The following ME1 variants were observed in gnomAD, a reference collection of about 807,000 sequenced individuals.
ME1 encodes the protein malic enzyme 1, also known as NADP-dependent malic enzyme.
In ME1, 74 loss-of-function variants were observed where a neutral mutation model predicts 66.4. The ratio of observed to expected loss-of-function variants is 1.11; its 90% confidence interval spans 0.92 to 1.35. The LOEUF (loss-of-function observed/expected upper bound fraction) is 1.35. Among genes scored for constraint, ME1 ranks in the 40% most tolerant of loss-of-function variants. The pLI, the probability that ME1 is intolerant of heterozygous loss-of-function variation, is 0.00. For synonymous variants in ME1, 251 were observed against 235.6 expected (o/e 1.07, Z -0.60); for missense variants, 750 against 694.1 (o/e 1.08, Z -0.90).
At chr6:83,315,130 G>T (rs1768005530) in intron 6 of ME1, among the ~76,000 whole-genome samples, 180 bp downstream of exon 6, 1 of 151,986 alleles carries the variant, frequency 6.6e-6, no homozygotes, top group South Asian at 2.1e-4. Context: ...AATCTATTCT[G>T]GATAGACACA....
intron 5 of ME1, among the ~76,000 whole-genome samples, chr6:83,332,843 G>GTTTTGTCTT (rs1768441542): frequency 6.6e-6 from 1 of 151,984 alleles, no homozygotes; most frequent in Non-Finnish European, 1.5e-5. Context: ...AAAGCTCAGA[G>GTTTTGTCTT]TTCACCATTA....
At chr6:83,298,492 A>C (rs1767645920) in intron 6 of ME1, among the ~76,000 whole-genome samples, 1 of 152,024 alleles carries the variant, frequency 6.6e-6, no homozygotes, top group Non-Finnish European at 1.5e-5. Flanking sequence ...TAGATTGCAA[A>C]AATTTTCTCC....
chr6:83,356,856 C>G (rs774195175), intron 3 of ME1, among the ~76,000 whole-genome samples: 15 of 152,208 alleles, frequency 9.9e-5, no homozygotes, highest in Non-Finnish European at 2.1e-4. Context: ...ATAATCTTAA[C>G]CAGAAAATTA....
intron 2 of ME1, among the ~76,000 whole-genome samples, chr6:83,400,115 T>G (rs1045431585): frequency 6.6e-6 from 1 of 152,196 alleles, no homozygotes; most frequent in South Asian, 2.1e-4. Context: ...TCTGTTTCCT[T>G]GCTGTTTTCT....
At chr6:83,388,994 C>G (rs1304667567) in intron 3 of ME1, among the ~76,000 whole-genome samples, 1 of 152,090 alleles carries the variant, frequency 6.6e-6, no homozygotes, top group African/African-American at 2.4e-5. Flanking sequence ...TGGTGCATGC[C>G]TGTAATCCTA....
intron 7 of ME1, among the ~76,000 whole-genome samples, chr6:83,250,903 CT>C (rs1387885537): frequency 6.6e-6 from 1 of 152,174 alleles, no homozygotes; most frequent in Non-Finnish European, 1.5e-5. Context: ...CTATCCCAGA[CT>C]TAATTCTGCT....
chr6:83,322,838 C>A lies in ME1; in HGVS notation c.601-7425G>T, dbSNP rs565987925. Among the ~76,000 whole-genome samples, 5 of 152,166 alleles carry A rather than the reference C, an allele frequency of 3.3e-5. No homozygotes were observed. In the South Asian group the frequency reaches 1.0e-3, roughly 32 times the overall value. On this transcript the variant is annotated intron_variant, in intron 5 of 13. Transcript: ENST00000369705. ...AAGATACTCCTCGACAAAAGCAACC[C>A]CAAGATGCATAATCGTCAGATCCAC...
intron 5 of ME1, among the ~76,000 whole-genome samples, chr6:83,345,856 T>G (rs1768675078): frequency 6.6e-6 from 1 of 152,122 alleles, no homozygotes; most frequent in South Asian, 2.1e-4. Flanking sequence ...TGGTATTAGT[T>G]CCTATATAAT....
chr6:83,377,410 T>C (rs529246520), intron 3 of ME1, among the ~76,000 whole-genome samples: 2 of 152,280 alleles, frequency 1.3e-5, no homozygotes, highest in South Asian at 4.1e-4. Flanking sequence ...CTCTTTGACA[T>C]TTAGTAATAA....
At chr6:83,424,750 C>T (rs993228752) in intron 1 of ME1, among the ~76,000 whole-genome samples, 5 of 152,152 alleles carry the variant, frequency 3.3e-5, no homozygotes, top group Admixed American at 2.0e-4. Flanking sequence ...CAAAGCGTCA[C>T]ACACTGGGTG....
chr6:83,226,906 CA>C (rs1790206933), intron 11 of ME1, among the ~76,000 whole-genome samples: 1 of 152,036 alleles, frequency 6.6e-6, no homozygotes, highest in Non-Finnish European at 1.5e-5. Flanking sequence ...GATAGTTGCC[CA>C]AATGTTCCAC....
intron 6 of ME1, among the ~76,000 whole-genome samples, chr6:83,305,680 G>T (rs117568230): frequency 2.8e-3 from 420 of 152,146 alleles, no homozygotes; most frequent in Non-Finnish European, 5.0e-3. Context: ...CCATTATAAG[G>T]ACTTTGGCTT....
chr6:83,309,342 A>C (rs1767887630), intron 6 of ME1, among the ~76,000 whole-genome samples: 1 of 152,186 alleles, frequency 6.6e-6, no homozygotes, highest in Non-Finnish European at 1.5e-5. Context: ...AAAGAGGTTC[A>C]GTTAAGAGAA....
chr6:83,240,468 A>C (rs143533461), intron 7 of ME1, among the ~76,000 whole-genome samples: 1 of 152,118 alleles, frequency 6.6e-6, no homozygotes, highest in Non-Finnish European at 1.5e-5. Context: ...AGTTCCAATT[A>C]TATTACTTTA....
chr6:83,293,893 C>T (rs1259255403), intron 6 of ME1, among the ~76,000 whole-genome samples: 2 of 152,182 alleles, frequency 1.3e-5, no homozygotes, highest in East Asian at 1.9e-4. Flanking sequence ...TCTTCTTTCG[C>T]ATTTAGTTGT....
intron 5 of ME1, among the ~76,000 whole-genome samples, chr6:83,322,750 G>A (rs1001833285): frequency 1.3e-5 from 2 of 152,152 alleles, no homozygotes; most frequent in African/African-American, 4.8e-5. Flanking sequence ...TTATCCAAGA[G>A]AACTTCCCCA....
At chr6:83,368,733 C>T (rs910519277) in intron 3 of ME1, among the ~76,000 whole-genome samples, 1 of 152,104 alleles carries the variant, frequency 6.6e-6, no homozygotes, top group Admixed American at 6.6e-5. Context: ...TTAAGAAAGG[C>T]ACTGGATAAA....
rs1414452296 is a variant in ME1, at chr6:83,357,931, CTCTCTATATATATATATATATATATATA to C, written c.363-5820_363-5793del. The stretch of plus-strand genomic sequence containing the variant: ...TCTCTCTCTCTCTCTCTCTCTCTCT[CTCTCTATATATATATATATATATATATA>C]TATATATATATATATTTCATTAGTT... On this transcript the variant is annotated intron_variant, in intron 3 of 13. Transcript: ENST00000369705. 5.2e-4 allele frequency among the ~76,000 whole-genome samples: 27 copies of C among 51,756 alleles called. 2 individuals carry two copies. The highest frequency in any genetic ancestry group is 0.023 in the Middle Eastern group (2 of 86). The allele number at this position is 51,756 out of a possible 152,430, so 34.0% of individuals were successfully genotyped here.
chr6:83,352,482 TAATA>T (rs1768821472), intron 3 of ME1, among the ~76,000 whole-genome samples: 1 of 152,192 alleles, frequency 6.6e-6, no homozygotes, highest in African/African-American at 2.4e-5. Flanking sequence ...TGTCATGATA[TAATA>T]TATATAAAAG....
Sources: gnomAD v4.1 joint callset for allele counts (sites outside exome capture counted in the v4.1 genomes callset) on GRCh38, gnomAD v4.1.1 for gene constraint, MANE v1.5 for transcripts, NCBI Gene and HGNC (gene_info 2026-07-23, HGNC 2026-07-21) for gene names.